Variants in LMNTD1 observed in about 807,000 individuals in gnomAD.
The protein encoded by LMNTD1 is lamin tail domain containing 1.
Under a neutral mutation model 50.9 loss-of-function variants are expected in LMNTD1, and 35 were observed. That is an observed-to-expected ratio of 0.69 (90% confidence interval 0.53 to 0.91). The LOEUF (loss-of-function observed/expected upper bound fraction) is 0.91, where lower values mean the gene tolerates loss of function less well. LMNTD1 is among the 40% of genes least tolerant of loss of function. The probability of loss-of-function intolerance (pLI) is 0.00; values close to 1 mark genes in which losing one functional copy is unlikely to be tolerated. For synonymous variants in LMNTD1, 153 were observed against 161.9 expected, an observed-to-expected ratio of 0.94 and a Z score of 0.42; for missense variants, 470 against 475.5, an observed-to-expected ratio of 0.99 and a Z score of 0.11.
chr12:25,618,970 T>C (rs919939897), intron 1 of LMNTD1, among the ~76,000 whole-genome samples: 2 of 152,094 alleles, frequency 1.3e-5, no homozygotes, highest in African/African-American at 4.8e-5. Context: ...TACCGCAAAA[T>C]AGGAAACAGG....
chr12:25,520,615 AGGTTGTTTCCATATCTT>A (rs1941247712), intron 6 of LMNTD1, among the ~76,000 whole-genome samples: 1 of 152,160 alleles, frequency 6.6e-6, no homozygotes, highest in Non-Finnish European at 1.5e-5. Flanking sequence ...ACAGACACTT[AGGTTGTTTCCATATCTT>A]GGCTATTGTG....
chr12:25,642,953 C>T (rs549651493), intron 1 of LMNTD1, among the ~76,000 whole-genome samples: 5 of 152,224 alleles, frequency 3.3e-5, no homozygotes, highest in South Asian at 2.1e-4. Context: ...GATATATTTT[C>T]GATATTAGAG....
intron 9 of LMNTD1, chr12:25,503,015 T>C (rs962190000): frequency 1.3e-5 from 2 of 152,200 alleles, no homozygotes; most frequent in African/African-American, 4.8e-5. Flanking sequence ...GTTTTCATCT[T>C]AAGTCAAGTA....
At chr12:25,626,403 A>T (rs895446548) in intron 1 of LMNTD1, among the ~76,000 whole-genome samples, 2 of 152,088 alleles carry the variant, frequency 1.3e-5, no homozygotes, top group African/African-American at 4.8e-5. Context: ...ACATCCTTAA[A>T]AGTTAAGTGA....
intron 1 of LMNTD1, among the ~76,000 whole-genome samples, chr12:25,605,580 C>A (rs2136520085): frequency 6.6e-6 from 1 of 152,290 alleles, no homozygotes; most frequent in East Asian, 1.9e-4. Context: ...GTTTTCCCAG[C>A]ACCATTTATT....
chr12:25,547,220 G>C (rs1457970970), intron 3 of LMNTD1: 4 of 961,642 alleles, frequency 4.2e-6, no homozygotes, highest in Non-Finnish European at 4.9e-6. Context: ...CAAAGGGGGA[G>C]TTACATTACA....
At chr12:25,639,020 T>C (rs1019506755) in intron 1 of LMNTD1, among the ~76,000 whole-genome samples, 1 of 152,174 alleles carries the variant, frequency 6.6e-6, no homozygotes, top group Non-Finnish European at 1.5e-5. Flanking sequence ...CCTATATTCA[T>C]AGTCAATTGA....
At chr12:25,648,454 T>C (rs767187607) in intron 1 of LMNTD1, 4 of 1,515,588 alleles carry the variant, frequency 2.6e-6, no homozygotes, top group Non-Finnish European at 3.6e-6. Flanking sequence ...AGCCAGCGAA[T>C]TGCCTGATGG....
chr12:25,497,461 G>A (rs1267838374), intron 9 of LMNTD1: 1 of 152,740 alleles, frequency 6.5e-6, no homozygotes, highest in East Asian at 1.9e-4. Flanking sequence ...GAACAGACAA[G>A]AACCCCGTCT....
chr12:25,514,802 T>C (rs150606953), intron 8 of LMNTD1, among the ~76,000 whole-genome samples: 1 of 152,230 alleles, frequency 6.6e-6, no homozygotes, highest in Admixed American at 6.5e-5. Context: ...TTTTTTTACA[T>C]ATGAAAATAT....
intron 4 of LMNTD1, among the ~76,000 whole-genome samples, chr12:25,529,731 C>A (rs1019926060): frequency 6.6e-6 from 1 of 152,166 alleles, no homozygotes. Flanking sequence ...CCAGAGCAAT[C>A]TTTGTACAAT....
chr12:25,483,121 G>A (rs1432029033), intron 9 of LMNTD1, among the ~76,000 whole-genome samples: 1 of 151,942 alleles, frequency 6.6e-6, no homozygotes, highest in Non-Finnish European at 1.5e-5. Flanking sequence ...AGACTAAAAT[G>A]GATATAAGAA....
chr12:25,630,267 C>T (rs829055), intron 1 of LMNTD1, among the ~76,000 whole-genome samples: 150,716 of 152,288 alleles, frequency 0.99, 74,601 homozygotes, highest in Middle Eastern at 1. Context: ...GGAGTTGCTA[C>T]AATAAATTAT....
chr12:25,520,159 TATATATATATATATATAG>T, intron 6 of LMNTD1, 84 bp from the exon 7 acceptor site: 1 of 216,634 alleles, frequency 4.6e-6, no homozygotes, highest in Non-Finnish European at 8.9e-6. Context: ...TATATATATA[TATATATATATATATATAG>T]TAAAATGGTT....
intron 1 of LMNTD1, chr12:25,586,215 T>C (rs1945520682): frequency 6.6e-6 from 1 of 152,172 alleles, no homozygotes. Flanking sequence ...CCCTTCCGTT[T>C]GTTTTATGTT....
chr12:25,633,071 G>C (rs150270444), intron 1 of LMNTD1, among the ~76,000 whole-genome samples: 2,218 of 150,158 alleles, frequency 0.015, 60 homozygotes, highest in African/African-American at 0.051. Context: ...GCAGTTAAAA[G>C]AGACAAAGAG....
intron 1 of LMNTD1, among the ~76,000 whole-genome samples, chr12:25,627,905 C>T (rs1269643491): frequency 8.6e-5 from 13 of 151,480 alleles, no homozygotes; most frequent in Admixed American, 8.6e-4. Flanking sequence ...GTCAGGAGAT[C>T]GAGACCATCC....
chr12:25,577,192 T>C (rs1945062512), intron 1 of LMNTD1, among the ~76,000 whole-genome samples: 1 of 152,232 alleles, frequency 6.6e-6, no homozygotes, highest in African/African-American at 2.4e-5. Flanking sequence ...ATTGGTTCCA[T>C]ATGAACTTTA....
intron 1 of LMNTD1, among the ~76,000 whole-genome samples, chr12:25,632,310 A>G (rs1946736382): frequency 6.6e-6 from 1 of 152,220 alleles, no homozygotes; most frequent in African/African-American, 2.4e-5. Context: ...GGGAAAATTC[A>G]TTGCAAAAAG....
Sources: gnomAD v4.1 joint callset for allele counts (sites outside exome capture counted in the v4.1 genomes callset) on GRCh38, gnomAD v4.1.1 for gene constraint, MANE v1.5 for transcripts, NCBI Gene and HGNC (gene_info 2026-07-23, HGNC 2026-07-21) for gene names.